The following ABLIM1 variants were observed in gnomAD, a reference collection of about 807,000 sequenced individuals.
ABLIM1 encodes the protein actin binding LIM protein 1, also known as actin-binding LIM protein 1.
In ABLIM1, 40 loss-of-function variants were observed where a neutral mutation model predicts 107.0. That is an observed-to-expected ratio of 0.37 (90% CI 0.29 to 0.49). The LOEUF is 0.49. Among genes scored for constraint, ABLIM1 ranks in the 20% least tolerant of loss-of-function variants. The pLI, the probability that ABLIM1 is intolerant of heterozygous loss-of-function variation, is 0.97. For missense variants in ABLIM1, 857 were observed against 1,008.5 expected (o/e 0.85, Z 2.04); for synonymous variants, 357 against 357.3 (o/e 1.00, Z 0.01).
At chr10:114,542,311 T>TG (rs2066765670) in intron 6 of ABLIM1, among the ~76,000 whole-genome samples, 1 of 150,532 alleles carries the variant, frequency 6.6e-6, no homozygotes, top group Non-Finnish European at 1.5e-5. Context: ...CTCAGGGGGC[T>TG]GTGCAGAAAG....
In ABLIM1 at chr10:114,658,017, AC is replaced by A; in HGVS notation, c.183del (p.Tyr62IlefsTer78). 6.2e-7 allele frequency: 1 copy of A among 1,614,196 alleles called. No homozygotes were observed. The highest frequency in any genetic ancestry group is 1.1e-5 in the South Asian group (1 of 91,084). On this transcript the variant is annotated frameshift_variant, in exon 1 of 23. Transcript: ENST00000533213. LOFTEE classifies it high-confidence loss of function. ...GGGCAGTAGTCCTTGGGACAGAGATACAGCAAATGAGTGATAGTGGCACGCC... is the reference window on the plus strand; with the variant it reads ...GGGCAGTAGTCCTTGGGACAGAGATAAGCAAATGAGTGATAGTGGCACGCC... Reference protein sequence around the residue: ...AHRRATITHLLYLCPKDYCPR... With the variant: ...AHRRATITHLXYLCPKDYCPR...
intron 6 of ABLIM1, among the ~76,000 whole-genome samples, chr10:114,494,380 A>C (rs1024659410): frequency 1.7e-4 from 26 of 152,156 alleles, no homozygotes; most frequent in African/African-American, 6.0e-4. Flanking sequence ...AAATAAAATA[A>C]ACAAAATTAG....
chr10:114,786,763 C>G, the ABLIM1 span, among the ~76,000 whole-genome samples: 754 of 152,362 alleles, frequency 4.9e-3, 7 homozygotes, highest in African/African-American at 0.017. Context: ...TCCCGAGGTG[C>G]CGGGATTGCA....
the ABLIM1 span, among the ~76,000 whole-genome samples, chr10:114,797,443 C>T: frequency 6.6e-6 from 1 of 152,230 alleles, no homozygotes; most frequent in East Asian, 1.9e-4. Flanking sequence ...AAGCTGCCCA[C>T]TAGTTCCACA....
chr10:114,566,723 T>G (rs2070792194), intron 4 of ABLIM1, among the ~76,000 whole-genome samples: 1 of 152,232 alleles, frequency 6.6e-6, no homozygotes, highest in African/African-American at 2.4e-5. Context: ...CAATAATCTT[T>G]CACTGAAGTT....
chr10:114,695,849 T>C (rs2081183395), intron 1 of ABLIM1, among the ~76,000 whole-genome samples: 2 of 152,184 alleles, frequency 1.3e-5, no homozygotes, highest in Admixed American at 1.3e-4. Context: ...TCTCTGATCG[T>C]AAGAGATTAT....
chr10:114,683,075 T>C (rs1206617163), intron 1 of ABLIM1, among the ~76,000 whole-genome samples: 1 of 152,238 alleles, frequency 6.6e-6, no homozygotes, highest in Non-Finnish European at 1.5e-5. Context: ...AATACACGAA[T>C]GCATTCTAAT....
chr10:114,696,323 T>C (rs2081192606), intron 1 of ABLIM1, among the ~76,000 whole-genome samples: 1 of 152,240 alleles, frequency 6.6e-6, no homozygotes, highest in Non-Finnish European at 1.5e-5. Flanking sequence ...TGGCAGGTTT[T>C]GTTTCTTCTA....
intron 4 of ABLIM1, among the ~76,000 whole-genome samples, chr10:114,564,400 G>C (rs115165506): frequency 0.018 from 2,789 of 151,782 alleles, 81 homozygotes; most frequent in African/African-American, 0.064. Context: ...GAGTAGCTGG[G>C]ACTACCGGCG....
chr10:114,496,721 G>A (rs755267642), intron 6 of ABLIM1, among the ~76,000 whole-genome samples: 1 of 152,186 alleles, frequency 6.6e-6, no homozygotes, highest in Non-Finnish European at 1.5e-5. Context: ...CCATTGTAAT[G>A]CCAGGGATGT....
intron 2 of ABLIM1, among the ~76,000 whole-genome samples, chr10:114,586,435 G>A (rs4998667): frequency 6.6e-6 from 1 of 152,082 alleles, no homozygotes; most frequent in East Asian, 1.9e-4. Flanking sequence ...ATAATTAAAG[G>A]GTTGGGAAGG....
In ABLIM1 at chr10:114,479,498, C is replaced by T. The variant is rs969057000; in HGVS notation, c.1042-5542G>A. Among the ~76,000 whole-genome samples, 19 of 152,278 alleles carry T rather than the reference C, an allele frequency of 1.2e-4. 1 individual carries two copies. Among genetic ancestry groups the T allele is most frequent in the South Asian group, 1.2e-3 (6 of 4,822 alleles). On this transcript the variant is annotated intron_variant, in intron 8 of 22. Transcript: ENST00000533213. Reference sequence around the variant, plus strand: ...CCTTGAGAACTCTGTGAAGTGATTCCAAATGCTCTTGGAGACAGTGACTGT... The same window carrying T: ...CCTTGAGAACTCTGTGAAGTGATTCTAAATGCTCTTGGAGACAGTGACTGT...
At chr10:114,654,770 C>T (rs1031282002) in intron 1 of ABLIM1, among the ~76,000 whole-genome samples, 24 of 152,336 alleles carry the variant, frequency 1.6e-4, no homozygotes, top group African/African-American at 3.8e-4. Flanking sequence ...TCTGAGCCTC[C>T]TCTTCACAGA....
At chr10:114,489,552 G>A (rs570690228) in intron 7 of ABLIM1, among the ~76,000 whole-genome samples, 9 of 152,208 alleles carry the variant, frequency 5.9e-5, no homozygotes, top group South Asian at 2.1e-4. Context: ...GCAGACAGAC[G>A]TATAGGTCCC....
intron 1 of ABLIM1, among the ~76,000 whole-genome samples, chr10:114,669,436 G>C (rs1321042824): frequency 6.6e-6 from 1 of 152,146 alleles, no homozygotes. Flanking sequence ...GCAAAAAACA[G>C]CTCCAGAAAA....
rs2059291795 is a variant in ABLIM1 at position 114,435,572 on chromosome 10, C to T, written c.*688G>A. The T allele has an allele frequency of 6.6e-6, 1 of 152,200 alleles. No individual in the cohort carries two copies. Among genetic ancestry groups the T allele is most frequent in the Admixed American group, 6.5e-5 (1 of 15,270 alleles). The allele number at this position is 152,200 out of a possible 1,614,324, so 9.4% of individuals were successfully genotyped here. ...GTTTCCTTTCATTCCTGTTCCTTCT[C>T]TTTTGCTTTTGAACAGTTTTTAAAT... On this transcript the variant is annotated 3_prime_UTR_variant, in exon 23 of 23. Coordinates refer to ENST00000533213, the MANE Select transcript of ABLIM1 (RefSeq NM_002313.7).
At position 114,441,025 on chromosome 10, in the gene ABLIM1, C is replaced by T. The variant is rs1162307708; in HGVS notation, c.2051G>A (p.Gly684Glu). Residue 684 changes from glycine (G) to glutamate (E), a missense_variant, in exon 19 of 23, where the codon GGA becomes GAA. Gly to Glu is a moderately conservative substitution (Grantham distance 98, BLOSUM62 -2). Around this residue, in one of 5 missense-constraint regions of ABLIM1, gnomAD observed 193 missense variants for 208.5 expected, o/e 0.93. Coordinates refer to ENST00000533213, the MANE Select transcript of ABLIM1 (RefSeq NM_002313.7). ...GGCCATGGGAGCCTCACCTCGCACT[C>T]CCCCGCTGACATCCCCATAGCTGTT... ...QYNSYGDVSG[G>E]VRDYQTLPDG... 3 of 1,588,886 alleles carry T rather than the reference C, an allele frequency of 1.9e-6. No individual in the cohort carries two copies. Among genetic ancestry groups the T allele is most frequent in the East Asian group, 2.3e-5 (1 of 44,150 alleles).
chr10:114,491,109 G>C (rs112853622), intron 7 of ABLIM1, among the ~76,000 whole-genome samples: 1,683 of 150,612 alleles, frequency 0.011, 15 homozygotes, highest in Non-Finnish European at 0.019. Flanking sequence ...GGTTCAAGCA[G>C]TCTTCCCAAC....
upstream of ABLIM1, among the ~76,000 whole-genome samples, chr10:114,659,013 A>G (rs115146965): frequency 7.6e-3 from 1,153 of 152,330 alleles, 17 homozygotes; most frequent in African/African-American, 0.026. Context: ...ACATCCACAC[A>G]GTAAGATGCA....
Sources: gnomAD v4.1 joint callset for allele counts (sites outside exome capture counted in the v4.1 genomes callset) on GRCh38, gnomAD v4.1.1 for gene constraint, gnomAD v4.1.1 regional missense constraint, MANE v1.5 for transcripts, NCBI Gene and HGNC (gene_info 2026-07-23, HGNC 2026-07-21) for gene names.